MACROD2: variants seen among roughly 807,000 people sequenced by gnomAD.
MACROD2 encodes ADP-ribose glycohydrolase MACROD2.
Under a neutral mutation model 70.4 loss-of-function variants are expected in MACROD2, and 36 were observed. The observed-to-expected ratio is 0.51, with a 90% CI of 0.39 to 0.68. The LOEUF (loss-of-function observed/expected upper bound fraction) is 0.68. MACROD2 is among the 30% of genes least tolerant of loss of function. MACROD2 has a pLI of 0.00. For missense variants in MACROD2, 496 were observed against 538.4 expected, an observed-to-expected ratio of 0.92 and a Z score of 0.78; for synonymous variants, 172 against 178.8, an observed-to-expected ratio of 0.96 and a Z score of 0.30.
At chr20:14,175,528 A>G (rs1413321227) in intron 3 of MACROD2, among the ~76,000 whole-genome samples, 4 of 152,162 alleles carry the variant, frequency 2.6e-5, no homozygotes, top group Admixed American at 1.3e-4. Context: ...TAACCTTCAC[A>G]AGTGCTTCTA....
chr20:15,647,157 G>A (rs1039773056), intron 8 of MACROD2, among the ~76,000 whole-genome samples: 5 of 152,216 alleles, frequency 3.3e-5, no homozygotes, highest in Admixed American at 1.3e-4. Context: ...AAGTAGCAGC[G>A]ATGCTATGGA....
At chr20:15,047,246 A>G (rs531605320) in intron 5 of MACROD2, among the ~76,000 whole-genome samples, 1 of 152,324 alleles carries the variant, frequency 6.6e-6, no homozygotes, top group East Asian at 1.9e-4. Flanking sequence ...TATAGTATGT[A>G]CTGTGCAGTG....
At position 16,050,543 on chromosome 20, in the gene MACROD2, G is replaced by A. The variant is rs1601384306; in HGVS notation, c.*667G>A. On this transcript the variant is annotated 3_prime_UTR_variant, in exon 18 of 18. Transcript: ENST00000684519. The stretch of plus-strand genomic sequence containing the variant: ...AGGGTGGGCCCTGGCAGCCATCTGG[G>A]TCTCTTCCTTCCTAACCATGGTGGC... 1 of 152,308 alleles carries A rather than the reference G, an allele frequency of 6.6e-6. No homozygotes were observed. The highest frequency in any genetic ancestry group is 2.1e-4 in the South Asian group (1 of 4,826). 9.4% of individuals were successfully genotyped at this position (152,308 alleles called of 1,614,324 possible). A position where few individuals can be genotyped will look rare whatever the true frequency, so the allele number is the denominator to read the frequency against.
At chr20:14,793,676 T>G (rs978062342) in intron 5 of MACROD2, among the ~76,000 whole-genome samples, 3 of 151,964 alleles carry the variant, frequency 2.0e-5, no homozygotes, top group African/African-American at 7.3e-5. Context: ...GTTATCAGAT[T>G]CCAAAAGCTC....
In MACROD2 at chr20:14,582,559, A is replaced by C. The variant is rs113648923; in HGVS notation, c.301+89051A>C. Among the ~76,000 whole-genome samples the C allele has an allele frequency of 1.3e-3, 200 of 152,230 alleles. 1 individual carries two copies. The highest frequency in any genetic ancestry group is 4.5e-3 in the African/African-American group (185 of 41,554). On this transcript the variant is annotated intron_variant, in intron 4 of 17. Coordinates refer to ENST00000684519, the MANE Select transcript of MACROD2 (RefSeq NM_001351661.2). ...CACATAATAGGTCCATAACATCAGC[A>C]TAATATTAAATGGAATGGGAGAGAT...
intron 4 of MACROD2, among the ~76,000 whole-genome samples, chr20:14,672,452 C>G (rs909499552): frequency 2.0e-5 from 3 of 152,148 alleles, no homozygotes; most frequent in Non-Finnish European, 2.9e-5. Flanking sequence ...TGAGATTAGC[C>G]TAGATTCAAG....
chr20:14,103,484 T>A (rs2148680309), intron 3 of MACROD2, among the ~76,000 whole-genome samples: 1 of 152,208 alleles, frequency 6.6e-6, no homozygotes, highest in East Asian at 1.9e-4. Flanking sequence ...CTGGGTTTTT[T>A]AAAAAAGAGA....
At chr20:14,800,175 G>C (rs572370394) in intron 5 of MACROD2, among the ~76,000 whole-genome samples, 3 of 151,506 alleles carry the variant, frequency 2.0e-5, no homozygotes, top group African/African-American at 7.3e-5. Flanking sequence ...CTCCATTTTA[G>C]GTAAGTTAGT....
At chr20:14,823,513 A>T (rs2072870251) in intron 5 of MACROD2, among the ~76,000 whole-genome samples, 1 of 152,048 alleles carries the variant, frequency 6.6e-6, no homozygotes, top group South Asian at 2.1e-4. Flanking sequence ...AGCACACTCA[A>T]GGTTGCCTCA....
intron 8 of MACROD2, among the ~76,000 whole-genome samples, chr20:15,791,095 T>C (rs2063620790): frequency 6.6e-6 from 1 of 151,966 alleles, no homozygotes; most frequent in Non-Finnish European, 1.5e-5. Context: ...TATTTTTCTT[T>C]GTTTTCCATC....
At chr20:14,677,798 G>C (rs901166335) in intron 4 of MACROD2, among the ~76,000 whole-genome samples, 1 of 152,058 alleles carries the variant, frequency 6.6e-6, no homozygotes, top group African/African-American at 2.4e-5. Flanking sequence ...TTGGCTTTGG[G>C]TACTCACCGA....
intron 8 of MACROD2, among the ~76,000 whole-genome samples, chr20:15,789,978 G>T (rs971672619): frequency 6.6e-6 from 1 of 151,830 alleles, no homozygotes; most frequent in African/African-American, 2.4e-5. Context: ...GAAATTTCCA[G>T]ACTCAAATGG....
Position 14,843,766 on chromosome 20 carries a change from T to C in MACROD2, c.418+158807T>C, listed in dbSNP as rs574199313. Among the ~76,000 whole-genome samples the C allele has an allele frequency of 4.1e-4, 62 of 152,278 alleles. No individual in the cohort carries two copies. In the Middle Eastern group the frequency reaches 0.01, roughly 25 times the overall value. ...CTTACATTTGGCCCAAACTGGCTTC[T>C]ATTTGCCCACTCTTGTTAACTCCTT... On this transcript the variant is annotated intron_variant, in intron 5 of 17. Coordinates refer to ENST00000684519, the MANE Select transcript of MACROD2 (RefSeq NM_001351661.2).
intron 5 of MACROD2, among the ~76,000 whole-genome samples, chr20:15,127,491 A>G (rs757561314): frequency 6.6e-5 from 10 of 152,114 alleles, no homozygotes; most frequent in Non-Finnish European, 1.3e-4. Flanking sequence ...ATTCTGGCTC[A>G]GAACCTCTCT....
chr20:14,454,332 G>A (rs2084276115), intron 3 of MACROD2, among the ~76,000 whole-genome samples: 1 of 150,698 alleles, frequency 6.6e-6, no homozygotes, highest in Non-Finnish European at 1.5e-5. Flanking sequence ...CATATCAACT[G>A]TATATATTTT....
At chr20:14,863,238 T>C (rs575624546) in intron 5 of MACROD2, among the ~76,000 whole-genome samples, 1 of 152,210 alleles carries the variant, frequency 6.6e-6, no homozygotes, top group East Asian at 1.9e-4. Flanking sequence ...GTTTTGCCAA[T>C]GCACATATCT....
At chr20:14,514,008 G>A (rs1266024763) in intron 4 of MACROD2, among the ~76,000 whole-genome samples, 1 of 151,986 alleles carries the variant, frequency 6.6e-6, no homozygotes, top group African/African-American at 2.4e-5. Flanking sequence ...CTAGCTCAAG[G>A]TTTATTGTCT....
chr20:15,431,837 T>C (rs2046367190), intron 7 of MACROD2, among the ~76,000 whole-genome samples: 1 of 152,046 alleles, frequency 6.6e-6, no homozygotes, highest in South Asian at 2.1e-4. Context: ...AATGCATACA[T>C]ATGCATATAT....
At chr20:14,427,986 C>G (rs1202532066) in intron 3 of MACROD2, among the ~76,000 whole-genome samples, 1 of 152,090 alleles carries the variant, frequency 6.6e-6, no homozygotes, top group East Asian at 1.9e-4. Context: ...GTAACCTTAT[C>G]ATAATTTCTA....
Sources: gnomAD v4.1 joint callset for allele counts (sites outside exome capture counted in the v4.1 genomes callset) on GRCh38, gnomAD v4.1.1 for gene constraint, MANE v1.5 for transcripts, NCBI Gene and HGNC (gene_info 2026-07-23, HGNC 2026-07-21) for gene names.